GPR63: variants seen among roughly 807,000 people sequenced by gnomAD.
GPR63 encodes the protein probable G protein-coupled receptor 63.
GPR63 carries 12 observed loss-of-function variants against 23.1 expected under a neutral mutation model. The ratio of observed to expected loss-of-function variants is 0.52; its 90% CI spans 0.33 to 0.84. The LOEUF (loss-of-function observed/expected upper bound fraction) is 0.84, where lower values mean the gene tolerates loss of function less well. Among genes scored for constraint, GPR63 ranks in the 40% least tolerant of loss-of-function variants. The pLI is 0.02. For missense variants in GPR63, 472 were observed against 515.6 expected (o/e 0.92, Z 0.82); for synonymous variants, 172 against 191.1 (o/e 0.90, Z 0.82).
At position 96,794,473 on chromosome 6, in the gene GPR63, T is replaced by C. The variant is rs1480370306; in HGVS notation, c.*3999A>G. 6.6e-6 allele frequency: 1 copy of C among 152,112 alleles called. No individual in the cohort carries two copies. Among genetic ancestry groups the C allele is most frequent in the Non-Finnish European group, 1.5e-5 (1 of 67,994 alleles). The allele number at this position is 152,112 out of a possible 1,614,324, so 9.4% of individuals were successfully genotyped here. ...TTCTTTAAACTTAAACTAAAAATCATTGTAGAATAAAATGTCAAGCAAGTG... is the reference window on the plus strand; with the variant it reads ...TTCTTTAAACTTAAACTAAAAATCACTGTAGAATAAAATGTCAAGCAAGTG... On this transcript the variant is annotated 3_prime_UTR_variant, in exon 2 of 2. Transcript: ENST00000229955.
At chr6:96,832,610 G>A (rs921912292) in intron 1 of GPR63, among the ~76,000 whole-genome samples, 1 of 151,778 alleles carries the variant, frequency 6.6e-6, no homozygotes, top group African/African-American at 2.4e-5. Context: ...AACTTCTAAA[G>A]TAAGAAAAAA....
Position 96,798,636 on chromosome 6 carries a change from A to G in GPR63, c.1096T>C (p.Leu366=), listed in dbSNP as rs747127712. 3.7e-6 allele frequency: 6 copies of G among 1,614,244 alleles called. No homozygotes were observed. Among genetic ancestry groups the G allele is most frequent in the Non-Finnish European group, 5.1e-6 (6 of 1,180,040 alleles). ...LLWLCYLKSA[L]NPLIYYWRIK... ...CTCCAGTAGTAGATCAGCGGATTCAATGCAGACTTGAGGTAGCAGAGCCAC... is the reference window on the plus strand; with the variant it reads ...CTCCAGTAGTAGATCAGCGGATTCAGTGCAGACTTGAGGTAGCAGAGCCAC... The change falls in exon 2 of 2, where the codon TTG becomes CTG. Residue 366 remains leucine, a synonymous_variant. Transcript: ENST00000229955.
chr6:96,810,497 GAAAA>G (rs5878448), intron 1 of GPR63, among the ~76,000 whole-genome samples: 3 of 126,764 alleles, frequency 2.4e-5, no homozygotes, highest in Non-Finnish European at 3.4e-5. Flanking sequence ...TCCGTCCCAG[GAAAA>G]AAAAAAAAAA....
intron 1 of GPR63, among the ~76,000 whole-genome samples, chr6:96,832,838 G>T (rs1469476578): frequency 6.6e-6 from 1 of 151,542 alleles, no homozygotes; most frequent in Non-Finnish European, 1.5e-5. Flanking sequence ...AACTATACAT[G>T]AACTATAGAA....
chr6:96,798,609 T>TCC lies in GPR63; in HGVS notation c.1121_1122dup (p.Ile375GlyfsTer12), dbSNP rs1773658759. On this transcript the variant is annotated frameshift_variant, in exon 2 of 2. Transcript: ENST00000229955. LOFTEE classifies it high-confidence loss of function. Reference sequence around the variant, plus strand: ...AGGCAAGCATCATGGAATTTCTTAATCCTCCAGTAGTAGATCAGCGGATTC... The same window carrying TCC: ...AGGCAAGCATCATGGAATTTCTTAATCCCCTCCAGTAGTAGATCAGCGGATTC... 6.2e-7 allele frequency: 1 copy of TCC among 1,614,048 alleles called. No homozygotes were observed. The highest frequency in any genetic ancestry group is 8.5e-7 in the Non-Finnish European group (1 of 1,180,034).
intron 1 of GPR63, among the ~76,000 whole-genome samples, chr6:96,816,201 C>T (rs190461618): frequency 6.6e-6 from 1 of 152,088 alleles, no homozygotes; most frequent in African/African-American, 2.4e-5. Context: ...AACCATTGTT[C>T]GAAACAGTGT....
rs1455656054 is a variant in GPR63 at position 96,799,136 on chromosome 6, A to G, written c.596T>C (p.Ile199Thr). ...KLNPYRAKVLIAVSWATSFCV... is the reference protein window; with the variant it reads ...KLNPYRAKVLTAVSWATSFCV... ...AAAGGAAGTTGCCCAAGAAACTGCA[A>G]TCAGAACCTTAGCTCTATATGGGTT... is the stretch of plus-strand genomic sequence containing the variant. The change falls in exon 2 of 2, where the codon ATT (isoleucine) becomes ACT (threonine). Residue 199 changes from isoleucine (I) to threonine (T), a missense_variant. Coordinates refer to ENST00000229955, the MANE Select transcript of GPR63 (RefSeq NM_030784.4). 1.9e-6 allele frequency: 3 copies of G among 1,614,096 alleles called. No homozygotes were observed. The highest frequency in any genetic ancestry group is 1.3e-5 in the African/African-American group (1 of 74,930).
chr6:96,832,392 G>C (rs192655791), intron 1 of GPR63, among the ~76,000 whole-genome samples: 13 of 151,418 alleles, frequency 8.6e-5, no homozygotes, highest in Admixed American at 7.2e-4. Context: ...AGCTTCGCAA[G>C]TAGCTGGGAC....
chr6:96,807,135 A>T (rs1406626395), intron 1 of GPR63, among the ~76,000 whole-genome samples: 1 of 152,250 alleles, frequency 6.6e-6, no homozygotes, highest in Non-Finnish European at 1.5e-5. Flanking sequence ...ATGCTCACCA[A>T]ATAGCAACTT....
In GPR63 at chr6:96,799,677, ATGT is replaced by A. The variant is rs768608135; in HGVS notation, c.52_54del (p.Thr18del). ...ATGTAGGTGTTTTCATACACGACAAATGTTGTGTTGGATGTCCCGGTATGGAAC... is the reference window on the plus strand; with the variant it reads ...ATGTAGGTGTTTTCATACACGACAAATGTGTTGGATGTCCCGGTATGGAAC... On this transcript the variant is annotated inframe_deletion, in exon 2 of 2. Transcript: ENST00000229955. 2.5e-6 allele frequency: 4 copies of A among 1,614,046 alleles called. No homozygotes were observed. The highest frequency in any genetic ancestry group is 1.3e-5 in the African/African-American group (1 of 74,936).
At position 96,819,381 on chromosome 6, in the gene GPR63, A is replaced by T. The variant is rs138765547; in HGVS notation, c.-151+17887T>A. 2.3e-3 allele frequency among the ~76,000 whole-genome samples: 351 copies of T among 152,318 alleles called. 2 individuals carry two copies. Among genetic ancestry groups the T allele is most frequent in the African/African-American group, 7.9e-3 (330 of 41,576 alleles). ...TATGTCCTTTGCAGGGACATGAATG[A>T]AGCTGGAAACCATCATTCTCAGCAA... On this transcript the variant is annotated intron_variant, in intron 1 of 1. Coordinates refer to ENST00000229955, the MANE Select transcript of GPR63 (RefSeq NM_030784.4).
intron 1 of GPR63, among the ~76,000 whole-genome samples, chr6:96,820,288 A>T (rs546964665): frequency 9.2e-5 from 14 of 152,310 alleles, no homozygotes; most frequent in Admixed American, 6.5e-4. Flanking sequence ...AAAATAAGGT[A>T]TTTAGACATT....
intron 1 of GPR63, among the ~76,000 whole-genome samples, chr6:96,804,198 T>C (rs1203508351): frequency 6.6e-6 from 1 of 152,182 alleles, no homozygotes; most frequent in Non-Finnish European, 1.5e-5. Context: ...TGTAGTATTC[T>C]CTTGGTCCTC....
intron 1 of GPR63, 90 bp from the exon 2 acceptor site, chr6:96,799,971 T>TCAGTTTTGCTCTTTTTGACCGTTTA: frequency 1.9e-6 from 1 of 538,388 alleles, no homozygotes; most frequent in South Asian, 2.3e-5. Context: ...TCATGAAGGA[T>TCAGTTTTGCTCTTTTTGACCGTTTA]CAGTTTTGCT....
chr6:96,799,123 C>G lies in GPR63; in HGVS notation c.609G>C (p.Trp203Cys), dbSNP rs776911896. The G allele has an allele frequency of 6.2e-7, 1 of 1,614,050 alleles. No individual in the cohort carries two copies. The highest frequency in any genetic ancestry group is 8.5e-7 in the Non-Finnish European group (1 of 1,180,006). ...YRAKVLIAVS[W>C]ATSFCVAFPL... is the part of the protein sequence containing the mutation. ...GAAAAGCTACACAAAAGGAAGTTGC[C>G]CAAGAAACTGCAATCAGAACCTTAG... The change falls in exon 2 of 2, where the codon TGG (tryptophan) becomes TGC (cysteine). Residue 203 changes from tryptophan to cysteine, a missense_variant. Physicochemically the swap from Trp to Cys is radical, Grantham distance 215. Transcript: ENST00000229955.
rs1773691536 is a variant in GPR63 at position 96,799,299 on chromosome 6, T to C, written c.433A>G (p.Thr145Ala). 1.9e-6 allele frequency: 3 copies of C among 1,613,826 alleles called. No homozygotes were observed. The highest frequency in any genetic ancestry group is 2.5e-6 in the Non-Finnish European group (3 of 1,180,010). ...MPFALVTILTTRWIFGKFFCR... is the reference protein window; with the variant it reads ...MPFALVTILTARWIFGKFFCR... Reference sequence around the variant, plus strand: ...AAGAATTTCCCAAAAATCCATCGGGTAGTAAGAATAGTTACCAGGGCAAAG... The same window carrying C: ...AAGAATTTCCCAAAAATCCATCGGGCAGTAAGAATAGTTACCAGGGCAAAG... Residue 145 changes from threonine (T) to alanine (A), a missense_variant, in exon 2 of 2, where the codon ACC (threonine) becomes GCC (alanine). Physicochemically the swap from Thr to Ala is moderately conservative, Grantham distance 58 (BLOSUM62 0). Transcript: ENST00000229955.
At position 96,799,733 on chromosome 6, in the gene GPR63, G is replaced by T. The variant is rs200408008; in HGVS notation, c.-2C>A. 1 of 1,614,168 alleles carries T rather than the reference G, an allele frequency of 6.2e-7. No homozygotes were observed. Among genetic ancestry groups the T allele is most frequent in the East Asian group, 2.2e-5 (1 of 44,882 alleles). On this transcript the variant is annotated 5_prime_UTR_variant, in exon 2 of 2. Transcript: ENST00000229955. The stretch of plus-strand genomic sequence containing the variant: ...AGTCAACACTGCCGAGAAGACCATG[G>T]TTTCAGTAGGATGGAAGATGCAAGC...
intron 1 of GPR63, among the ~76,000 whole-genome samples, chr6:96,803,259 C>T (rs1773816849): frequency 6.6e-6 from 1 of 152,184 alleles, no homozygotes; most frequent in African/African-American, 2.4e-5. Context: ...GGAAAAACCT[C>T]TAGATACTAA....
intron 1 of GPR63, among the ~76,000 whole-genome samples, chr6:96,811,928 T>C (rs1305170366): frequency 6.6e-6 from 1 of 151,746 alleles, no homozygotes; most frequent in Non-Finnish European, 1.5e-5. Context: ...CAACCTACTT[T>C]GCAATTAAAA....
Sources: allele counts gnomAD v4.1 joint callset (sites outside exome capture counted in the v4.1 genomes callset), GRCh38; gene constraint gnomAD v4.1.1; transcripts MANE v1.5; gene names NCBI Gene and HGNC (gene_info 2026-07-23, HGNC 2026-07-21).